Variants in SND1 observed in about 807,000 individuals in gnomAD.
SND1 encodes staphylococcal nuclease and tudor domain containing 1.
A neutral mutation model predicts 121.7 loss-of-function variants in SND1; 38 were observed. The ratio of observed to expected loss-of-function variants is 0.31; its 90% CI spans 0.24 to 0.41. The LOEUF (loss-of-function observed/expected upper bound fraction) is 0.41. Among genes scored for constraint, SND1 ranks in the 10% least tolerant of loss-of-function variants. The probability of loss-of-function intolerance (pLI) is 1.00; values close to 1 mark genes in which losing one functional copy is unlikely to be tolerated. For synonymous variants in SND1, 401 were observed against 447.4 expected (o/e 0.90, Z 1.31); for missense variants, 868 against 1,184.6 (o/e 0.73, Z 3.92).
intron 16 of SND1, among the ~76,000 whole-genome samples, chr7:128,003,402 C>T (rs975326125): frequency 6.6e-6 from 1 of 152,122 alleles, no homozygotes; most frequent in Non-Finnish European, 1.5e-5. Flanking sequence ...TTAACATATG[C>T]CTTCCTCTTC....
At chr7:127,911,976 C>A (rs1009877859) in intron 14 of SND1, among the ~76,000 whole-genome samples, 1 of 151,872 alleles carries the variant, frequency 6.6e-6, no homozygotes, top group Non-Finnish European at 1.5e-5. Context: ...GTTTCTCTCT[C>A]TCTTTCTTTT....
chr7:127,858,517 T>A, intron 12 of SND1: 2 of 513,532 alleles, frequency 3.9e-6, no homozygotes, highest in Middle Eastern at 5.2e-4. Flanking sequence ...TTCTGTACTT[T>A]GTTTATGCAG....
intron 13 of SND1, among the ~76,000 whole-genome samples, chr7:127,901,819 G>A (rs534603537): frequency 1.9e-4 from 29 of 152,270 alleles, no homozygotes; most frequent in Non-Finnish European, 3.1e-4. Context: ...TGAAAAAATT[G>A]TCTTTGAACG....
chr7:128,089,451 C>G, intron 21 of SND1, 38 bp from the exon 22 acceptor site: 2 of 1,571,786 alleles, frequency 1.3e-6, no homozygotes, highest in Non-Finnish European at 1.7e-6. Flanking sequence ...AGTGGTTGTT[C>G]TCTGGCTTGC....
chr7:127,879,758 A>C (rs1053164494), intron 12 of SND1, among the ~76,000 whole-genome samples: 2 of 152,160 alleles, frequency 1.3e-5, no homozygotes, highest in East Asian at 3.9e-4. Flanking sequence ...TCCAGCATTA[A>C]GACATTGGAG....
chr7:127,682,421 T>C (rs922400084), intron 1 of SND1, among the ~76,000 whole-genome samples: 2 of 152,182 alleles, frequency 1.3e-5, no homozygotes, highest in Non-Finnish European at 2.9e-5. Context: ...ATCCATAACC[T>C]CAATCAAACT....
intron 10 of SND1, among the ~76,000 whole-genome samples, chr7:127,802,379 C>G (rs1187751203): frequency 6.6e-6 from 1 of 152,152 alleles, no homozygotes; most frequent in South Asian, 2.1e-4. Flanking sequence ...GCTTTTACCC[C>G]TAGTGCTCTA....
chr7:127,998,096 C>G lies in SND1; in HGVS notation c.1779+7040C>G, dbSNP rs1563083359. ...TCCAGTGCCTAGTATATAAGAGATA[C>G]TCAATAAATAAATATTTGTCAAATC... On this transcript the variant is annotated intron_variant, in intron 16 of 23. Coordinates refer to ENST00000354725, the MANE Select transcript of SND1 (RefSeq NM_014390.4). 3 of 418,844 alleles carry G rather than the reference C, an allele frequency of 7.2e-6. No homozygotes were observed. In the East Asian group the frequency reaches 1.8e-4, roughly 24 times the overall value. The allele number at this position is 418,844 out of a possible 1,614,324, so 25.9% of individuals were successfully genotyped here.
chr7:127,991,989 GTGTTGGTTGCCACC>G (rs1802534633), intron 16 of SND1, among the ~76,000 whole-genome samples: 1 of 152,182 alleles, frequency 6.6e-6, no homozygotes, highest in Non-Finnish European at 1.5e-5. Context: ...CTTGAGAGAA[GTGTTGGTTGCCACC>G]TCTTTGATTC....
chr7:127,815,206 A>G (rs1483253459), intron 11 of SND1, among the ~76,000 whole-genome samples: 4 of 152,180 alleles, frequency 2.6e-5, no homozygotes, highest in South Asian at 2.1e-4. Flanking sequence ...ATACCCATCC[A>G]TCTCGAACCT....
chr7:127,669,195 G>A (rs947506868), intron 1 of SND1, among the ~76,000 whole-genome samples: 1 of 152,164 alleles, frequency 6.6e-6, no homozygotes, highest in Non-Finnish European at 1.5e-5. Context: ...GTTTCACCAG[G>A]TTGGCCAGGC....
At chr7:127,978,706 T>G (rs1396480060) in intron 15 of SND1, among the ~76,000 whole-genome samples, 1 of 152,192 alleles carries the variant, frequency 6.6e-6, no homozygotes, top group African/African-American at 2.4e-5. Flanking sequence ...TTATTTTTAT[T>G]TATTATAATT....
intron 16 of SND1, among the ~76,000 whole-genome samples, chr7:128,067,443 C>T (rs938358223): frequency 1.3e-5 from 2 of 152,198 alleles, no homozygotes; most frequent in Admixed American, 6.5e-5. Flanking sequence ...CACCTTCCCA[C>T]AGGTAGCCCT....
intron 14 of SND1, among the ~76,000 whole-genome samples, chr7:127,922,650 C>A (rs1440970052): frequency 6.6e-6 from 1 of 152,098 alleles, no homozygotes; most frequent in African/African-American, 2.4e-5. Flanking sequence ...GAGTGCTATC[C>A]TTGCACTACT....
intron 9 of SND1, among the ~76,000 whole-genome samples, chr7:127,717,548 GA>G (rs1796412238): frequency 6.6e-6 from 1 of 152,152 alleles, no homozygotes; most frequent in African/African-American, 2.4e-5. Flanking sequence ...TTTTGTTGAG[GA>G]CAAGGGTGGC....
chr7:127,960,922 G>T (rs1443875519), intron 15 of SND1, among the ~76,000 whole-genome samples: 1 of 152,234 alleles, frequency 6.6e-6, no homozygotes, highest in African/African-American at 2.4e-5. Context: ...AATCCCAAGA[G>T]AAGTTTGGTC....
chr7:128,074,809 T>G, intron 17 of SND1, 119 bp downstream of exon 17: 2 of 1,053,290 alleles, frequency 1.9e-6, no homozygotes, highest in Non-Finnish European at 1.4e-6. Context: ...CCCAGGAAGG[T>G]GTTGGTCTCA....
intron 13 of SND1, among the ~76,000 whole-genome samples, chr7:127,888,818 T>C (rs1226700843): frequency 6.6e-6 from 1 of 152,148 alleles, no homozygotes; most frequent in Non-Finnish European, 1.5e-5. Flanking sequence ...AGTTTTTCCA[T>C]AGCCTCTAGG....
intron 10 of SND1, among the ~76,000 whole-genome samples, chr7:127,749,415 G>A (rs1797043204): frequency 6.6e-6 from 1 of 152,140 alleles, no homozygotes; most frequent in Non-Finnish European, 1.5e-5. Flanking sequence ...TCCTTCTGTG[G>A]GCTGTCATTG....
Sources: allele counts gnomAD v4.1 joint callset (sites outside exome capture counted in the v4.1 genomes callset), GRCh38; gene constraint gnomAD v4.1.1; transcripts MANE v1.5; gene names NCBI Gene and HGNC (gene_info 2026-07-23, HGNC 2026-07-21).